The following ADGRE2 variants were observed in gnomAD, a reference collection of about 807,000 sequenced individuals.
ADGRE2 encodes CD97 antigen.
ADGRE2 carries 83 observed loss-of-function variants against 100.8 expected under a neutral mutation model. The ratio of observed to expected loss-of-function variants is 0.82; its 90% CI spans 0.69 to 0.99. The LOEUF (loss-of-function observed/expected upper bound fraction) is 0.99, where lower values mean the gene tolerates loss of function less well. Among genes scored for constraint, ADGRE2 ranks in the 50% least tolerant of loss-of-function variants. The probability of loss-of-function intolerance (pLI) is 0.00; values close to 1 mark genes in which losing one functional copy is unlikely to be tolerated. For missense variants in ADGRE2, 814 were observed against 1,035.7 expected (o/e 0.79, Z 2.94); for synonymous variants, 355 against 413.0 (o/e 0.86, Z 1.70).
At chr19:14,766,054 C>G (rs1377052320) in intron 7 of ADGRE2, 181 bp downstream of exon 7, 7 of 1,321,916 alleles carry the variant, frequency 5.3e-6, no homozygotes, top group Non-Finnish European at 7.3e-6. Flanking sequence ...TGAGCCTCCC[C>G]CCTCAGTACC....
At chr19:14,764,142 A>G (rs2043859545) in intron 11 of ADGRE2, among the ~76,000 whole-genome samples, 1 of 151,972 alleles carries the variant, frequency 6.6e-6, no homozygotes, top group Non-Finnish European at 1.5e-5. Context: ...AGTTCACTGC[A>G]GACTCAACCT....
chr19:14,731,603 G>A (rs150506155), downstream of ADGRE2: 543 of 166,584 alleles, frequency 3.3e-3, 1 homozygote, highest in Non-Finnish European at 4.0e-3. Flanking sequence ...TTTGGTGGGC[G>A]TGGTCTTGTA....
In ADGRE2 at chr19:14,776,782, G is replaced by T. The variant is rs369661620; in HGVS notation, c.-26C>A. ...GGTTCCAGCTGAGCTGCCGGCAGGA[G>T]CAGCAGGGGAAAGAGTGAGTGGGAC... On this transcript the variant is annotated 5_prime_UTR_variant, in exon 2 of 21. Transcript: ENST00000315576. 6 of 1,612,926 alleles carry T rather than the reference G, an allele frequency of 3.7e-6. No individual in the cohort carries two copies. The Admixed American group carries it at 1.0e-4, about 27-fold the overall frequency.
At position 14,774,674 on chromosome 19, in the gene ADGRE2, T is replaced by TTTTCTTTCTTTC. The variant is rs139350304; in HGVS notation, c.32-380_32-369dup. ...CAGGTGAGTACCGCCATATTTTAAA[T>TTTTCTTTCTTTC]TTTCTTTCTTTCTTTTTGAGACAGG... On this transcript the variant is annotated intron_variant, in intron 2 of 20. Coordinates refer to ENST00000315576, the MANE Select transcript of ADGRE2 (RefSeq NM_013447.4). Among the ~76,000 whole-genome samples the TTTTCTTTCTTTC allele has an allele frequency of 4.2e-4, 29 of 68,964 alleles. 6 individuals are homozygous for TTTTCTTTCTTTC. Among genetic ancestry groups the TTTTCTTTCTTTC allele is most frequent in the South Asian group, 1.7e-3 (5 of 2,986 alleles). The allele number at this position is 68,964 out of a possible 152,430, so 45.2% of individuals were successfully genotyped here.
At chr19:14,726,358 C>T in the ADGRE2 span, among the ~76,000 whole-genome samples, 3 of 152,248 alleles carry the variant, frequency 2.0e-5, no homozygotes, top group East Asian at 5.8e-4. Flanking sequence ...AAGCCTTTTT[C>T]CTTTTGTCTT....
intron 10 of ADGRE2, 22 bp from the exon 11 acceptor site, chr19:14,764,632 C>G: frequency 6.3e-7 from 1 of 1,597,514 alleles, no homozygotes; most frequent in Non-Finnish European, 8.5e-7. Flanking sequence ...TGGACACAGA[C>G]CTAGTGAGCC....
At chr19:14,767,242 CTT>C (rs55841640) in intron 5 of ADGRE2, 133 bp from the exon 6 acceptor site, 47,813 of 1,147,034 alleles carry the variant, frequency 0.042, no homozygotes, top group Middle Eastern at 0.064. Context: ...TTCTTTCTTT[CTT>C]TTTTTTTTTT....
rs1323811172 is a variant in ADGRE2, at chr19:14,776,789, G to A, written c.-33C>T. On this transcript the variant is annotated 5_prime_UTR_variant, in exon 2 of 21. Coordinates refer to ENST00000315576, the MANE Select transcript of ADGRE2 (RefSeq NM_013447.4). Reference sequence around the variant, plus strand: ...GCTGAGCTGCCGGCAGGAGCAGCAGGGGAAAGAGTGAGTGGGACAGGGCTG... The same window carrying A: ...GCTGAGCTGCCGGCAGGAGCAGCAGAGGAAAGAGTGAGTGGGACAGGGCTG... 1 of 1,612,322 alleles carries A rather than the reference G, an allele frequency of 6.2e-7. No homozygotes were observed. The highest frequency in any genetic ancestry group is 8.5e-7 in the Non-Finnish European group (1 of 1,179,294).
chr19:14,725,106 G>A, the ADGRE2 span, among the ~76,000 whole-genome samples: 1 of 152,154 alleles, frequency 6.6e-6, no homozygotes, highest in Non-Finnish European at 1.5e-5. Flanking sequence ...TCACAATCAT[G>A]GCAAAAAGTG....
downstream of ADGRE2, chr19:14,731,433 T>C: frequency 1.8e-6 from 1 of 551,070 alleles, no homozygotes; most frequent in Non-Finnish European, 3.2e-6. Context: ...GCAAGGAGAC[T>C]AAGGCCTGTG....
intron 18 of ADGRE2, 112 bp downstream of exon 18, chr19:14,746,120 T>C: frequency 1.5e-6 from 1 of 657,540 alleles, no homozygotes; most frequent in Non-Finnish European, 2.7e-6. Context: ...CTGTTTTTTC[T>C]GGGTCCCTTC....
the ADGRE2 span, among the ~76,000 whole-genome samples, chr19:14,724,909 A>G: frequency 6.6e-6 from 1 of 152,228 alleles, no homozygotes; most frequent in African/African-American, 2.4e-5. Context: ...TTCTTCATAA[A>G]TGTAGGCAAA....
rs771768350 is a variant in ADGRE2, at chr19:14,743,718, C to T, written c.2250G>A (p.Leu750=). 6.2e-6 allele frequency: 10 copies of T among 1,614,052 alleles called. 1 individual carries two copies. The South Asian group carries it at 1.1e-4, about 18-fold the overall frequency. The part of the protein sequence containing the change: ...ILGCTWCLGI[L]QVGPAARVMA... ...TGACCCGGGCAGCCGGACCCACCTGCAAGATGCCCAGACACCACGTGCAGC... is the reference window on the plus strand; with the variant it reads ...TGACCCGGGCAGCCGGACCCACCTGTAAGATGCCCAGACACCACGTGCAGC... Residue 750 remains leucine (L), a synonymous_variant, in exon 19 of 21, where the codon TTG becomes TTA. Transcript: ENST00000315576.
rs202154380 is a variant in ADGRE2, at chr19:14,751,637, T to C, written c.1823A>G (p.Tyr608Cys). 7.4e-6 allele frequency: 12 copies of C among 1,613,946 alleles called. No homozygotes were observed. In the Admixed American group the frequency reaches 1.5e-4, roughly 20 times the overall value. ...LCSIIAGTLH[Y>C]LYLATLTWML... is the part of the protein sequence containing the mutation. ...CCAGGTCAAGGTGGCCAGGTAGAGA[T>C]AGTGCAAGGTACCGGCGATGATGGA... The change falls in exon 16 of 21, where the codon TAT becomes TGT. Residue 608 changes from tyrosine (Y) to cysteine (C), a missense_variant. This residue lies in a region of ADGRE2 where 569 missense variants were observed against 692.7 expected (regional missense o/e 0.82). Transcript: ENST00000315576.
At chr19:14,754,461 A>G (rs966512927) in intron 14 of ADGRE2, among the ~76,000 whole-genome samples, 15 of 147,424 alleles carry the variant, frequency 1.0e-4, no homozygotes, top group Admixed American at 8.3e-4. Context: ...CTATCTATCT[A>G]TCTATCTATC....
rs201317256 is a variant in ADGRE2, at chr19:14,743,699, G to A, written c.2269C>T (p.Arg757Trp). The stretch of plus-strand genomic sequence containing the variant: ...ATGGTGAAGAGGTAGGCCATGACCC[G>A]GGCAGCCGGACCCACCTGCAAGATG... ...LGILQVGPAA[R>W]VMAYLFTIIN... Residue 757 changes from arginine to tryptophan, a missense_variant, in exon 19 of 21, where the codon CGG becomes TGG. Physicochemically the swap from Arg to Trp is moderately radical, Grantham distance 101 (BLOSUM62 -3). Coordinates refer to ENST00000315576, the MANE Select transcript of ADGRE2 (RefSeq NM_013447.4). 138 of 1,614,140 alleles carry A rather than the reference G, an allele frequency of 8.5e-5. No individual in the cohort carries two copies. Among genetic ancestry groups the A allele is most frequent in the Admixed American group, 4.7e-4 (28 of 60,014 alleles).
chr19:14,771,007 A>G (rs1230152645), intron 5 of ADGRE2, among the ~76,000 whole-genome samples: 1 of 151,888 alleles, frequency 6.6e-6, no homozygotes, highest in African/African-American at 2.4e-5. Flanking sequence ...AATTCACAGG[A>G]AGGCTCTGTC....
chr19:14,752,226 C>T, intron 15 of ADGRE2, 103 bp downstream of exon 15: 1 of 1,445,142 alleles, frequency 6.9e-7, no homozygotes, highest in Non-Finnish European at 9.5e-7. Context: ...AGCCACCACG[C>T]CCAGCCGGGC....
At chr19:14,759,263 C>T (rs2043614832) in intron 11 of ADGRE2, among the ~76,000 whole-genome samples, 1 of 152,224 alleles carries the variant, frequency 6.6e-6, no homozygotes, top group Admixed American at 6.5e-5. Flanking sequence ...CCCGTGCAAG[C>T]TTCCAGCTTG....
Sources: gnomAD v4.1 joint callset for allele counts (sites outside exome capture counted in the v4.1 genomes callset) on GRCh38, gnomAD v4.1.1 for gene constraint, gnomAD v4.1.1 regional missense constraint, MANE v1.5 for transcripts, NCBI Gene and HGNC (gene_info 2026-07-23, HGNC 2026-07-21) for gene names.